Variants in ROBO2 observed in about 807,000 individuals in gnomAD.
ROBO2 encodes the protein roundabout homolog 2.
In ROBO2, 53 loss-of-function variants were observed where a neutral mutation model predicts 160.8. The observed-to-expected ratio is 0.33, with a 90% CI of 0.26 to 0.41. The LOEUF is 0.41. ROBO2 is among the 10% of genes least tolerant of loss of function. ROBO2 has a pLI of 1.00. For synonymous variants in ROBO2, 664 were observed against 611.7 expected (o/e 1.09, Z -1.26); for missense variants, 1,577 against 1,722.4 (o/e 0.92, Z 1.49).
At chr3:76,393,897 G>A (rs1450073331) in intron 2 of ROBO2, among the ~76,000 whole-genome samples, 1 of 152,150 alleles carries the variant, frequency 6.6e-6, no homozygotes, top group African/African-American at 2.4e-5. Context: ...GTAAGTATAT[G>A]CCTAGATTTG....
chr3:76,096,800 A>C (rs1210421992), intron 2 of ROBO2, among the ~76,000 whole-genome samples: 1 of 152,232 alleles, frequency 6.6e-6, no homozygotes, highest in Non-Finnish European at 1.5e-5. Flanking sequence ...CAACAATGTA[A>C]CTATGTAACC....
intron 2 of ROBO2, among the ~76,000 whole-genome samples, chr3:76,221,176 C>G (rs1703940998): frequency 1.3e-5 from 2 of 152,220 alleles, no homozygotes; most frequent in African/African-American, 4.8e-5. Context: ...CCATCTAGAA[C>G]TAAGTCCTCT....
At chr3:76,492,561 GA>G (rs11358306) in intron 2 of ROBO2, among the ~76,000 whole-genome samples, 42,182 of 149,860 alleles carry the variant, frequency 0.28, 6,021 homozygotes, top group South Asian at 0.41. Context: ...AGTGCATAAA[GA>G]AAAAAAAAAC....
chr3:77,529,504 T>C (rs1237118017), intron 6 of ROBO2, among the ~76,000 whole-genome samples: 1 of 151,768 alleles, frequency 6.6e-6, no homozygotes, highest in Non-Finnish European at 1.5e-5. Flanking sequence ...AGAAACCTCA[T>C]GCCAATATAC....
At chr3:75,951,868 A>G (rs929705993) in intron 2 of ROBO2, among the ~76,000 whole-genome samples, 3 of 152,018 alleles carry the variant, frequency 2.0e-5, no homozygotes, top group African/African-American at 7.2e-5. Context: ...TGTACTTTAT[A>G]AGTACATTTT....
At chr3:77,200,919 A>G (rs62251826) in intron 2 of ROBO2, among the ~76,000 whole-genome samples, 2 of 152,146 alleles carry the variant, frequency 1.3e-5, no homozygotes, top group Non-Finnish European at 2.9e-5. Context: ...CAGGCAATGC[A>G]TAAGTACACA....
intron 2 of ROBO2, among the ~76,000 whole-genome samples, chr3:76,249,283 A>G (rs549686689): frequency 1.3e-5 from 2 of 152,248 alleles, no homozygotes; most frequent in South Asian, 2.1e-4. Context: ...GGATATTTAT[A>G]CAGTTGGAGA....
At chr3:76,464,367 T>A (rs1047322089) in intron 2 of ROBO2, among the ~76,000 whole-genome samples, 1 of 152,174 alleles carries the variant, frequency 6.6e-6, no homozygotes, top group Non-Finnish European at 1.5e-5. Context: ...AAGCACATTC[T>A]AAGGTACAGA....
chr3:76,402,132 C>T (rs192341408), intron 2 of ROBO2, among the ~76,000 whole-genome samples: 1 of 151,598 alleles, frequency 6.6e-6, no homozygotes, highest in Non-Finnish European at 1.5e-5. Context: ...AATTTTACTT[C>T]TTTTACTTGT....
intron 2 of ROBO2, among the ~76,000 whole-genome samples, chr3:76,460,443 G>A (rs1001322579): frequency 2.0e-5 from 3 of 152,176 alleles, no homozygotes; most frequent in Non-Finnish European, 2.9e-5. Context: ...GACAAGTGGT[G>A]CTTTGTGGCT....
intron 2 of ROBO2, among the ~76,000 whole-genome samples, chr3:76,869,342 GTTTTTTT>G (rs34051755): frequency 2.8e-5 from 2 of 71,356 alleles, no homozygotes; most frequent in African/African-American, 1.0e-4. Flanking sequence ...AGAAATTGAT[GTTTTTTT>G]TTTTTTTTTT....
intron 2 of ROBO2, among the ~76,000 whole-genome samples, chr3:76,815,387 T>C (rs1329179283): frequency 1.3e-5 from 2 of 151,554 alleles, no homozygotes; most frequent in Non-Finnish European, 2.9e-5. Flanking sequence ...TGCACAACTA[T>C]GTAAATGTTT....
At chr3:76,487,257 G>C (rs892738436) in intron 2 of ROBO2, among the ~76,000 whole-genome samples, 1 of 151,804 alleles carries the variant, frequency 6.6e-6, no homozygotes, top group Admixed American at 6.6e-5. Context: ...AGGGATTACA[G>C]GAGTGAGCCA....
intron 2 of ROBO2, among the ~76,000 whole-genome samples, chr3:76,436,269 T>C (rs1246656702): frequency 2.6e-5 from 4 of 152,212 alleles, no homozygotes; most frequent in African/African-American, 9.7e-5. Flanking sequence ...GTTACATATG[T>C]ATACATGTGC....
intron 2 of ROBO2, among the ~76,000 whole-genome samples, chr3:76,555,437 G>GGGAAGAGGAAGA (rs59350425): frequency 0.066 from 3,451 of 52,352 alleles, 220 homozygotes; most frequent in African/African-American, 0.13. Context: ...GAAGGGGAAG[G>GGGAAGAGGAAGA]GGAAGAGGAA....
intron 2 of ROBO2, among the ~76,000 whole-genome samples, chr3:77,222,722 T>C (rs2085984356): frequency 6.6e-6 from 1 of 152,218 alleles, no homozygotes; most frequent in African/African-American, 2.4e-5. Flanking sequence ...TAAACATTTT[T>C]CCTTTATTTT....
chr3:76,642,641 C>T lies in ROBO2; in HGVS notation c.110-455373C>T, dbSNP rs150327038. Among the ~76,000 whole-genome samples, 730 of 151,962 alleles carry T rather than the reference C, an allele frequency of 4.8e-3. 9 individuals are homozygous for T. The highest frequency in any genetic ancestry group is 0.016 in the African/African-American group (648 of 41,444). ...TGCTGGGGTTACAGGTGTGAGCCAC[C>T]GCGCCCAGCCTACACCTGCTCTTAA... On this transcript the variant is annotated intron_variant, in intron 2 of 26. Transcript: ENST00000487694.
At chr3:75,954,415 T>C (rs1948656398) in intron 2 of ROBO2, among the ~76,000 whole-genome samples, 1 of 151,812 alleles carries the variant, frequency 6.6e-6, no homozygotes, top group Admixed American at 6.6e-5. Context: ...GCCTGTGCGG[T>C]GAATGGGTCT....
At position 77,559,963 on chromosome 3, in the gene ROBO2, G is replaced by A. The variant is rs1390682164; in HGVS notation, c.1437+1814G>A. Among the ~76,000 whole-genome samples, 3 of 152,044 alleles carry A rather than the reference G, an allele frequency of 2.0e-5. No homozygotes were observed. In the East Asian group the frequency reaches 5.8e-4, roughly 29 times the overall value. On this transcript the variant is annotated intron_variant, in intron 9 of 25. Coordinates refer to ENST00000461745, the Ensembl canonical transcript of ROBO2. ...TTGTTAACCTTCTTTGAACAAAATG[G>A]AAGTTATTAAAAAATTAATGCCAAC...
Sources: gnomAD v4.1 joint callset for allele counts (sites outside exome capture counted in the v4.1 genomes callset) on GRCh38, gnomAD v4.1.1 for gene constraint, MANE v1.5 for transcripts, NCBI Gene and HGNC (gene_info 2026-07-23, HGNC 2026-07-21) for gene names.